CHRNB3: variants seen among roughly 807,000 people sequenced by gnomAD.
CHRNB3 encodes the protein neuronal acetylcholine receptor subunit beta-3.
In CHRNB3, 37 loss-of-function variants were observed where a neutral mutation model predicts 40.6. The ratio of observed to expected loss-of-function variants is 0.91; its 90% CI spans 0.70 to 1.20. The LOEUF (loss-of-function observed/expected upper bound fraction) is 1.20. Among genes scored for constraint, CHRNB3 ranks in the 50% most tolerant of loss-of-function variants. The pLI, the probability that CHRNB3 is intolerant of heterozygous loss-of-function variation, is 0.00. For missense variants in CHRNB3, 505 were observed against 551.2 expected, an observed-to-expected ratio of 0.92 and a Z score of 0.84; for synonymous variants, 207 against 207.1, an observed-to-expected ratio of 1.00 and a Z score of 0.00.
At chr8:42,730,455 A>G (rs1421809257) in intron 3 of CHRNB3, 139 bp from the exon 4 acceptor site, 2 of 529,268 alleles carry the variant, frequency 3.8e-6, no homozygotes, top group Non-Finnish European at 6.6e-6. Context: ...AGTCCCCAGT[A>G]GGGTCACGCA....
chr8:42,721,628 G>A (rs1034495413), intron 3 of CHRNB3, among the ~76,000 whole-genome samples: 25 of 152,080 alleles, frequency 1.6e-4, no homozygotes, highest in Non-Finnish European at 3.2e-4. Context: ...GGAGGCTGAG[G>A]TGGGAGGATC....
chr8:42,726,088 G>A, intron 3 of CHRNB3: 2 of 1,004,956 alleles, frequency 2.0e-6, no homozygotes, highest in Non-Finnish European at 3.1e-6. Context: ...GTTTAAACCT[G>A]AGCCCTTTTC....
Position 42,710,450 on chromosome 8 carries a change from A to G in CHRNB3, c.249+16A>G. On this transcript the variant is annotated intron_variant, in intron 3 of 5. Transcript: ENST00000289957. ...GCTCAAACAGGTAAATTTCAATCCA[A>G]GGATTGTGTCTGCTAACCCAGTCAC... 6.3e-7 allele frequency: 1 copy of G among 1,599,606 alleles called. No homozygotes were observed. The highest frequency in any genetic ancestry group is 8.6e-7 in the Non-Finnish European group (1 of 1,169,444).
chr8:42,714,266 C>A (rs903862282), intron 3 of CHRNB3, among the ~76,000 whole-genome samples: 10 of 152,008 alleles, frequency 6.6e-5, no homozygotes, highest in Non-Finnish European at 1.3e-4. Context: ...GAGGCTGAGG[C>A]AGGTGGATCA....
intron 1 of CHRNB3, among the ~76,000 whole-genome samples, chr8:42,703,440 T>TAAAAA (rs1554589400): frequency 0.056 from 4,518 of 80,604 alleles, 758 homozygotes; most frequent in Non-Finnish European, 0.1. Flanking sequence ...AAAAAAATAT[T>TAAAAA]TATATATATA....
intron 3 of CHRNB3, among the ~76,000 whole-genome samples, chr8:42,726,543 A>G (rs1438303655): frequency 1.3e-5 from 2 of 149,830 alleles, no homozygotes; most frequent in Non-Finnish European, 2.9e-5. Flanking sequence ...TCTGTCATCC[A>G]GGCTGGAGTG....
In CHRNB3 at chr8:42,697,567, G is replaced by C. The variant is rs1222266230; in HGVS notation, c.21G>C (p.Leu7=). 1.9e-6 allele frequency: 3 copies of C among 1,613,570 alleles called. 1 individual carries two copies. The change falls in exon 1 of 6, where the codon CTG becomes CTC. Residue 7 remains leucine, a synonymous_variant. Coordinates refer to ENST00000289957, the MANE Select transcript of CHRNB3 (RefSeq NM_000749.5). Reference sequence around the variant, plus strand: ...TCACGATGCTCCCAGATTTTATGCTGGTTCTCATCGTCCTTGGCATCCCTT... The same window carrying C: ...TCACGATGCTCCCAGATTTTATGCTCGTTCTCATCGTCCTTGGCATCCCTT... MLPDFM[L]VLIVLGIPSS...
At chr8:42,725,215 T>C (rs1816288063) in intron 3 of CHRNB3, among the ~76,000 whole-genome samples, 1 of 149,462 alleles carries the variant, frequency 6.7e-6, no homozygotes, top group African/African-American at 2.5e-5. Flanking sequence ...TCAGCCTCCC[T>C]AGTAGCTGGG....
rs552900828 is a variant in CHRNB3, at chr8:42,701,462, T to A, written c.52+3864T>A. 5.7e-4 allele frequency among the ~76,000 whole-genome samples: 87 copies of A among 152,138 alleles called. 1 individual carries two copies. Among genetic ancestry groups the A allele is most frequent in the Non-Finnish European group, 4.4e-5 (3 of 68,000 alleles). On this transcript the variant is annotated intron_variant, in intron 1 of 5. Coordinates refer to ENST00000289957, the MANE Select transcript of CHRNB3 (RefSeq NM_000749.5). The stretch of plus-strand genomic sequence containing the variant: ...GGGAGGCTGAGGCAGGACGATCACA[T>A]GAGCCCAGGAGGTTGAGGCTGCAGT...
Position 42,736,571 on chromosome 8 carries a change from C to T in CHRNB3, c.1330C>T (p.Leu444=), listed in dbSNP as rs1816528090. The change falls in exon 6 of 6, where the codon CTG becomes TTG. Residue 444 remains leucine (L), a synonymous_variant. Coordinates refer to ENST00000289957, the MANE Select transcript of CHRNB3 (RefSeq NM_000749.5). Reference sequence around the variant, plus strand: ...GATAGTGTCAGTAACAGGCTCGGTTCTGATTTTTACCCCTGCTTTGAAGAT... The same window carrying T: ...GATAGTGTCAGTAACAGGCTCGGTTTTGATTTTTACCCCTGCTTTGAAGAT... ...FLIVSVTGSV[L]IFTPALKMWL... is the part of the protein sequence containing the mutation. 3 of 1,614,024 alleles carry T rather than the reference C, an allele frequency of 1.9e-6. No homozygotes were observed. The Admixed American group carries it at 5.0e-5, about 27-fold the overall frequency.
chr8:42,712,469 A>C (rs1400436642), intron 3 of CHRNB3, among the ~76,000 whole-genome samples: 1 of 152,210 alleles, frequency 6.6e-6, no homozygotes, highest in African/African-American at 2.4e-5. Context: ...AGTGAGATTT[A>C]GAGAACTATC....
chr8:42,713,096 A>G (rs1816046733), intron 3 of CHRNB3, among the ~76,000 whole-genome samples: 1 of 151,892 alleles, frequency 6.6e-6, no homozygotes, highest in African/African-American at 2.4e-5. Context: ...TCCTGATGTC[A>G]GCCCAAAGTG....
chr8:42,720,717 C>T (rs1270691136), intron 3 of CHRNB3, among the ~76,000 whole-genome samples: 1 of 152,306 alleles, frequency 6.6e-6, no homozygotes, highest in East Asian at 1.9e-4. Context: ...AGCTGTTAAT[C>T]CTGCTGTTGA....
chr8:42,730,552 T>C (rs1390165741), intron 3 of CHRNB3, 42 bp from the exon 4 acceptor site: 2 of 1,227,182 alleles, frequency 1.6e-6, no homozygotes, highest in Non-Finnish European at 2.3e-6. Context: ...TCTAATACAT[T>C]GAACTTTCGG....
rs1166711749 is a variant in CHRNB3 at position 42,702,294 on chromosome 8, A to C, written c.52+4696A>C. Among the ~76,000 whole-genome samples, 5 of 152,132 alleles carry C rather than the reference A, an allele frequency of 3.3e-5. No homozygotes were observed. The East Asian group carries it at 9.6e-4, about 29-fold the overall frequency. Reference sequence around the variant, plus strand: ...AAAGGAAATATATATATATTTATTTAAAATAGAAATAAACATTTATTTATT... The same window carrying C: ...AAAGGAAATATATATATATTTATTTCAAATAGAAATAAACATTTATTTATT... On this transcript the variant is annotated intron_variant, in intron 1 of 5. Coordinates refer to ENST00000289957, the MANE Select transcript of CHRNB3 (RefSeq NM_000749.5).
At chr8:42,733,198 G>A (rs1816458981) in intron 5 of CHRNB3, among the ~76,000 whole-genome samples, 1 of 151,716 alleles carries the variant, frequency 6.6e-6, no homozygotes, top group Non-Finnish European at 1.5e-5. Context: ...GGTGTGGGTG[G>A]GCGTGCTTGT....
At chr8:42,716,095 C>T (rs1279148131) in intron 3 of CHRNB3, among the ~76,000 whole-genome samples, 7 of 150,950 alleles carry the variant, frequency 4.6e-5, no homozygotes, top group African/African-American at 1.7e-4. Flanking sequence ...TCTGCTTCAG[C>T]CTCCCGAGTA....
At chr8:42,734,407 A>G (rs1349836538) in intron 5 of CHRNB3, among the ~76,000 whole-genome samples, 3 of 151,578 alleles carry the variant, frequency 2.0e-5, no homozygotes, top group Non-Finnish European at 2.9e-5. Context: ...CCCGTAAACA[A>G]ACTGATGAAA....
At chr8:42,708,016 G>A (rs1381090017) in intron 1 of CHRNB3, among the ~76,000 whole-genome samples, 7 of 152,226 alleles carry the variant, frequency 4.6e-5, no homozygotes, top group Non-Finnish European at 8.8e-5. Context: ...GCTCAGGGAC[G>A]GAGAACAGCT....
Sources: gnomAD v4.1 joint callset for allele counts (sites outside exome capture counted in the v4.1 genomes callset) on GRCh38, gnomAD v4.1.1 for gene constraint, MANE v1.5 for transcripts, NCBI Gene and HGNC (gene_info 2026-07-23, HGNC 2026-07-21) for gene names.